TACR1: variants seen among roughly 807,000 people sequenced by gnomAD.
The protein encoded by TACR1 is tachykinin receptor 1.
TACR1 carries 25 observed loss-of-function variants against 35.8 expected under a neutral mutation model. The observed-to-expected ratio is 0.70, with a 90% CI of 0.51 to 0.98. The LOEUF is 0.98. Among genes scored for constraint, TACR1 ranks in the 50% least tolerant of loss-of-function variants. The probability of loss-of-function intolerance (pLI) is 0.00; values close to 1 mark genes in which losing one functional copy is unlikely to be tolerated. For missense variants in TACR1, 478 were observed against 522.9 expected, an observed-to-expected ratio of 0.91 and a Z score of 0.84; for synonymous variants, 195 against 206.7, an observed-to-expected ratio of 0.94 and a Z score of 0.48.
At chr2:75,196,463 T>G (rs1675977403) in intron 1 of TACR1, among the ~76,000 whole-genome samples, 1 of 152,186 alleles carries the variant, frequency 6.6e-6, no homozygotes, top group Admixed American at 6.5e-5. Flanking sequence ...CTGGGCTGTA[T>G]CTGCATGTTG....
intron 4 of TACR1, among the ~76,000 whole-genome samples, chr2:75,050,317 A>G (rs2103777294): frequency 6.6e-6 from 1 of 152,358 alleles, no homozygotes; most frequent in African/African-American, 2.4e-5. Context: ...CAGTTAGACT[A>G]ACAGAGACCC....
chr2:75,145,432 G>A (rs568872293), intron 1 of TACR1, among the ~76,000 whole-genome samples: 5 of 152,120 alleles, frequency 3.3e-5, no homozygotes, highest in Non-Finnish European at 4.4e-5. Context: ...GTGTAAAGTA[G>A]GAGATAACTA....
intron 2 of TACR1, among the ~76,000 whole-genome samples, chr2:75,054,903 C>A (rs932839643): frequency 2.6e-5 from 4 of 152,114 alleles, no homozygotes; most frequent in Admixed American, 1.3e-4. Context: ...ATTTTACTAG[C>A]ATTATCTTAT....
At chr2:75,156,527 T>C (rs994750746) in intron 1 of TACR1, among the ~76,000 whole-genome samples, 5 of 144,974 alleles carry the variant, frequency 3.4e-5, no homozygotes, top group African/African-American at 7.7e-5. Flanking sequence ...GGTGTGAACC[T>C]GGGAGGCAGA....
chr2:75,172,518 AAC>A (rs1278635151), intron 1 of TACR1, among the ~76,000 whole-genome samples: 1 of 151,916 alleles, frequency 6.6e-6, no homozygotes, highest in African/African-American at 2.4e-5. Context: ...AAGGGGCCTG[AAC>A]ACACATCTCA....
intron 1 of TACR1, among the ~76,000 whole-genome samples, chr2:75,162,444 C>G (rs1192258061): frequency 6.6e-6 from 1 of 152,284 alleles, no homozygotes; most frequent in Admixed American, 6.5e-5. Context: ...TGGAAGAGTG[C>G]CAGTGCCTTC....
At chr2:75,127,068 A>G (rs891010945) in intron 1 of TACR1, among the ~76,000 whole-genome samples, 22 of 152,190 alleles carry the variant, frequency 1.4e-4, no homozygotes, top group African/African-American at 4.3e-4. Flanking sequence ...CTGTCTTTCT[A>G]TATGGCATCA....
At chr2:75,072,652 T>C (rs1672904859) in intron 2 of TACR1, among the ~76,000 whole-genome samples, 1 of 152,184 alleles carries the variant, frequency 6.6e-6, no homozygotes, top group Non-Finnish European at 1.5e-5. Context: ...CAGACTCTGA[T>C]AGCCTGAAGG....
intron 2 of TACR1, among the ~76,000 whole-genome samples, chr2:75,059,258 AAGCTG>A (rs1323790638): frequency 6.6e-6 from 1 of 152,170 alleles, no homozygotes; most frequent in African/African-American, 2.4e-5. Flanking sequence ...ACTACTTCTA[AAGCTG>A]AGCTACATCA....
chr2:75,052,861 G>GT (rs1291860091), intron 3 of TACR1, among the ~76,000 whole-genome samples: 1 of 151,986 alleles, frequency 6.6e-6, no homozygotes, highest in Non-Finnish European at 1.5e-5. Flanking sequence ...TTTTTTAAAT[G>GT]TTTCGTTTTG....
At chr2:75,056,524 C>T (rs1672572016) in intron 2 of TACR1, among the ~76,000 whole-genome samples, 1 of 152,190 alleles carries the variant, frequency 6.6e-6, no homozygotes, top group Non-Finnish European at 1.5e-5. Flanking sequence ...CCAATAAAGG[C>T]TTTCCTGTGT....
chr2:75,086,533 C>T lies in TACR1; in HGVS notation c.585-32778G>A, dbSNP rs569517127. On this transcript the variant is annotated intron_variant, in intron 2 of 4. Transcript: ENST00000305249. ...GAATGAATGAACCAGGTTGGGGAGT[C>T]TCATACACCCAGTCCATTGTACTAT... Among the ~76,000 whole-genome samples, 72 of 152,234 alleles carry T rather than the reference C, an allele frequency of 4.7e-4. No homozygotes were observed. In the Middle Eastern group the frequency reaches 0.014, roughly 29 times the overall value.
chr2:75,154,410 G>GCACACACACACA lies in TACR1; in HGVS notation c.390-33654_390-33643dup, dbSNP rs766455987. ...GAGATAATCAGCCAAGAGCGCGCACGCACACACACACACACACACACACAC... is the reference window on the plus strand; with the variant it reads ...GAGATAATCAGCCAAGAGCGCGCACGCACACACACACACACACACACACACACACACACACAC... On this transcript the variant is annotated intron_variant, in intron 1 of 4. Coordinates refer to ENST00000305249, the MANE Select transcript of TACR1 (RefSeq NM_001058.4). The GCACACACACACA allele has an allele frequency of 3.4e-4, 26 of 75,412 alleles. 1 individual carries two copies. Among genetic ancestry groups the GCACACACACACA allele is most frequent in the African/African-American group, 1.0e-3 (21 of 20,468 alleles). The allele number at this position is 75,412 out of a possible 1,614,324, so 4.7% of individuals were successfully genotyped here.
At chr2:75,057,226 CTCCTGGCTCA>C (rs901063579) in intron 2 of TACR1, among the ~76,000 whole-genome samples, 37 of 136,504 alleles carry the variant, frequency 2.7e-4, no homozygotes, top group East Asian at 5.8e-4. Flanking sequence ...GAAATTCCTT[CTCCTGGCTCA>C]TCCTGGCTCA....
intron 2 of TACR1, among the ~76,000 whole-genome samples, chr2:75,093,260 C>T (rs1247945727): frequency 3.9e-5 from 6 of 152,192 alleles, no homozygotes; most frequent in Non-Finnish European, 5.9e-5. Flanking sequence ...TATACCTGAA[C>T]ACTAAAAATT....
intron 2 of TACR1, among the ~76,000 whole-genome samples, chr2:75,057,126 C>T (rs916001212): frequency 2.6e-5 from 4 of 152,242 alleles, no homozygotes; most frequent in African/African-American, 9.6e-5. Context: ...GTGACCTGCA[C>T]GTATACATCC....
chr2:75,101,774 T>A (rs1459162402), intron 2 of TACR1, among the ~76,000 whole-genome samples: 1 of 151,892 alleles, frequency 6.6e-6, no homozygotes, highest in African/African-American at 2.4e-5. Context: ...ATGGTGAAAC[T>A]TCATCTCTAC....
intron 1 of TACR1, 53 bp from the exon 2 acceptor site, chr2:75,120,821 C>G: frequency 7.9e-6 from 11 of 1,388,732 alleles, no homozygotes; most frequent in Non-Finnish European, 9.7e-6. Context: ...AAATCTGTAT[C>G]AGAGATTCCA....
At chr2:75,165,346 G>T (rs1244471923) in intron 1 of TACR1, among the ~76,000 whole-genome samples, 1 of 152,070 alleles carries the variant, frequency 6.6e-6, no homozygotes, top group Admixed American at 6.5e-5. Flanking sequence ...GTCTCGCTCT[G>T]TCACCCAGGC....
Sources: gnomAD v4.1 joint callset for allele counts (sites outside exome capture counted in the v4.1 genomes callset) on GRCh38, gnomAD v4.1.1 for gene constraint, MANE v1.5 for transcripts, NCBI Gene and HGNC (gene_info 2026-07-23, HGNC 2026-07-21) for gene names.